The following TBC1D22A variants were observed in gnomAD, a reference collection of about 807,000 sequenced individuals.
The protein encoded by TBC1D22A is TBC1 domain family member 22A, also known as putative GTPase activator.
A neutral mutation model predicts 60.2 loss-of-function variants in TBC1D22A; 38 were observed. That is an observed-to-expected ratio of 0.63 (90% CI 0.49 to 0.83). The LOEUF (loss-of-function observed/expected upper bound fraction) is 0.83. Among genes scored for constraint, TBC1D22A ranks in the 40% least tolerant of loss-of-function variants. The pLI is 0.00. For missense variants in TBC1D22A, 628 were observed against 701.0 expected, an observed-to-expected ratio of 0.90 and a Z score of 1.18; for synonymous variants, 302 against 281.7, an observed-to-expected ratio of 1.07 and a Z score of -0.72.
At chr22:47,114,267 T>TGGGGTGC (rs1317340719) in intron 12 of TBC1D22A, among the ~76,000 whole-genome samples, 294 of 149,358 alleles carry the variant, frequency 2.0e-3, no homozygotes, top group Non-Finnish European at 2.3e-3. Flanking sequence ...GTGTGGGGTG[T>TGGGGTGC]GGGGTGCAGG....
intron 12 of TBC1D22A, among the ~76,000 whole-genome samples, chr22:47,166,919 T>G (rs1375881778): frequency 1.3e-5 from 2 of 152,230 alleles, no homozygotes; most frequent in Non-Finnish European, 2.9e-5. Flanking sequence ...CTCCCTACCC[T>G]TGTAAGCAGA....
At chr22:46,841,614 C>T (rs937450588) in intron 4 of TBC1D22A, among the ~76,000 whole-genome samples, 2 of 152,130 alleles carry the variant, frequency 1.3e-5, no homozygotes, top group Non-Finnish European at 2.9e-5. Context: ...CATCATCTTC[C>T]TTATATGTGG....
intron 12 of TBC1D22A, among the ~76,000 whole-genome samples, chr22:47,158,534 C>T (rs529853988): frequency 5.8e-4 from 89 of 152,260 alleles, no homozygotes; most frequent in Non-Finnish European, 9.3e-4. Flanking sequence ...ACATGGATCA[C>T]GGCCCACCCT....
intron 11 of TBC1D22A, among the ~76,000 whole-genome samples, chr22:47,042,572 A>G (rs894035453): frequency 2.6e-5 from 4 of 152,246 alleles, no homozygotes; most frequent in African/African-American, 9.6e-5. Context: ...GCAGTCTGGC[A>G]GTGCCATTTC....
chr22:46,868,912 G>T (rs2067177827), intron 4 of TBC1D22A, among the ~76,000 whole-genome samples: 2 of 147,144 alleles, frequency 1.4e-5, no homozygotes, highest in Admixed American at 1.3e-4. Flanking sequence ...GGGGTGAGGT[G>T]GGGGAGCTCA....
At chr22:47,019,035 T>C (rs141110040) in intron 10 of TBC1D22A, among the ~76,000 whole-genome samples, 9 of 152,324 alleles carry the variant, frequency 5.9e-5, no homozygotes, top group Middle Eastern at 3.4e-3. Flanking sequence ...CCCTGTAGTG[T>C]TGGAGGCTCT....
intron 8 of TBC1D22A, among the ~76,000 whole-genome samples, chr22:46,939,656 G>C (rs1436343606): frequency 6.6e-6 from 1 of 152,208 alleles, no homozygotes; most frequent in Non-Finnish European, 1.5e-5. Context: ...TCCCATTTTG[G>C]AGCATAGAAG....
chr22:46,860,389 G>A (rs1184913170), intron 4 of TBC1D22A, among the ~76,000 whole-genome samples: 4 of 14,582 alleles, frequency 2.7e-4, no homozygotes, highest in Admixed American at 5.8e-4. Flanking sequence ...CCCTTCCCGG[G>A]ACCAGAATCC....
In TBC1D22A at chr22:46,990,821, C is replaced by T. The variant is rs1569310573; in HGVS notation, c.1126-6813C>T. On this transcript the variant is annotated intron_variant, in intron 9 of 12. Transcript: ENST00000337137. The surrounding 1 kb of genome is among the most constrained non-coding windows in gnomAD (Gnocchi z 4.6). ...GCTGTCTCCCTCCCGCGCCGGCGTT[C>T]GTGACGGCTCTGCTCCTCGCCGTGT... 2.0e-5 allele frequency among the ~76,000 whole-genome samples: 3 copies of T among 152,218 alleles called. No individual in the cohort carries two copies. Among genetic ancestry groups the T allele is most frequent in the Admixed American group, 1.3e-4 (2 of 15,288 alleles).
At chr22:46,937,693 G>A (rs887490343) in intron 8 of TBC1D22A, among the ~76,000 whole-genome samples, 1 of 152,232 alleles carries the variant, frequency 6.6e-6, no homozygotes, top group African/African-American at 2.4e-5. Flanking sequence ...AGCTCCCTGT[G>A]TGCTGTTGTC....
At chr22:47,079,088 T>A (rs2064348863) in intron 11 of TBC1D22A, among the ~76,000 whole-genome samples, 1 of 150,052 alleles carries the variant, frequency 6.7e-6, no homozygotes, top group Admixed American at 6.6e-5. Flanking sequence ...AGCAGACTTT[T>A]TTTTTTTTTT....
chr22:46,951,599 C>G (rs1331761634), intron 8 of TBC1D22A, among the ~76,000 whole-genome samples: 2 of 152,196 alleles, frequency 1.3e-5, no homozygotes, highest in Non-Finnish European at 2.9e-5. Context: ...GCCCTCGGAG[C>G]TTGACTTGGT....
chr22:46,810,302 A>G (rs1220297416), intron 4 of TBC1D22A, among the ~76,000 whole-genome samples: 6 of 152,170 alleles, frequency 3.9e-5, no homozygotes, highest in Admixed American at 3.9e-4. Flanking sequence ...CGACCCTTCT[A>G]TTTCTGTCTC....
At chr22:46,865,735 G>GC (rs1018588103) in intron 4 of TBC1D22A, among the ~76,000 whole-genome samples, 13 of 152,230 alleles carry the variant, frequency 8.5e-5, no homozygotes, top group Admixed American at 4.6e-4. Flanking sequence ...TTCCCCCAAT[G>GC]CCCCCCCATG....
intron 11 of TBC1D22A, among the ~76,000 whole-genome samples, chr22:47,050,248 G>T (rs1301004309): frequency 1.3e-5 from 2 of 151,622 alleles, no homozygotes; most frequent in Non-Finnish European, 2.9e-5. Context: ...CAAGTGATCC[G>T]CCCGCCTCGG....
intron 9 of TBC1D22A, among the ~76,000 whole-genome samples, chr22:46,987,188 G>T (rs1396805290): frequency 6.6e-6 from 1 of 152,174 alleles, no homozygotes; most frequent in Non-Finnish European, 1.5e-5. Flanking sequence ...TACGCTTTTG[G>T]TGGAAGCAGT....
intron 7 of TBC1D22A, among the ~76,000 whole-genome samples, chr22:46,895,362 C>A (rs1234779133): frequency 6.6e-6 from 1 of 152,012 alleles, no homozygotes; most frequent in East Asian, 1.9e-4. Context: ...TGGTCTCTGC[C>A]TCTTGTTTTT....
chr22:46,831,699 C>G (rs1446099631), intron 4 of TBC1D22A, among the ~76,000 whole-genome samples: 2 of 152,068 alleles, frequency 1.3e-5, no homozygotes, highest in African/African-American at 4.8e-5. Flanking sequence ...CGGGCTCTGG[C>G]AGAAGGCTAT....
intron 10 of TBC1D22A, among the ~76,000 whole-genome samples, chr22:47,014,771 A>AGC (rs767370941): frequency 1.4e-5 from 2 of 143,480 alleles, no homozygotes; most frequent in Non-Finnish European, 3.1e-5. Flanking sequence ...CCAGGGCTCC[A>AGC]GCGCGGCCTG....
Sources: allele counts gnomAD v4.1 joint callset (sites outside exome capture counted in the v4.1 genomes callset), GRCh38; gene constraint gnomAD v4.1.1; non-coding constraint Gnocchi (gnomAD v3.1); transcripts MANE v1.5; gene names NCBI Gene and HGNC (gene_info 2026-07-23, HGNC 2026-07-21).